The following GRIN2A variants were observed in gnomAD, a reference collection of about 807,000 sequenced individuals.
The protein encoded by GRIN2A is glutamate ionotropic receptor NMDA type subunit 2A, also known as glutamate receptor ionotropic, NMDA 2A.
GRIN2A carries 22 observed loss-of-function variants against 113.4 expected under a neutral mutation model. The ratio of observed to expected loss-of-function variants is 0.19; its 90% CI spans 0.14 to 0.28. The LOEUF (loss-of-function observed/expected upper bound fraction) is 0.28. Ranked by LOEUF, GRIN2A falls within the 10% of genes least tolerant of loss-of-function variation. The probability of loss-of-function intolerance (pLI) is 1.00; values close to 1 mark genes in which losing one functional copy is unlikely to be tolerated. For synonymous variants in GRIN2A, 827 were observed against 738.4 expected (o/e 1.12, Z -1.94); for missense variants, 1,502 against 1,887.0 (o/e 0.80, Z 3.78).
chr16:10,034,713 C>G (rs2046993919), intron 2 of GRIN2A, among the ~76,000 whole-genome samples: 1 of 151,988 alleles, frequency 6.6e-6, no homozygotes, highest in African/African-American at 2.4e-5. Flanking sequence ...ACTTACTGGT[C>G]CTTGGCTTTC....
chr16:10,055,047 C>CGAAAA (rs2047423421), intron 2 of GRIN2A, among the ~76,000 whole-genome samples: 1 of 10,400 alleles, frequency 9.6e-5, no homozygotes, highest in African/African-American at 4.5e-4. Flanking sequence ...GACTCTATCT[C>CGAAAA]AAAAAAAAAA....
intron 3 of GRIN2A, among the ~76,000 whole-genome samples, chr16:9,933,050 G>A (rs2044633189): frequency 6.6e-6 from 1 of 152,202 alleles, no homozygotes; most frequent in Non-Finnish European, 1.5e-5. Context: ...CAGTGACATG[G>A]TCTGTGCTTG....
In GRIN2A at chr16:9,764,395, C is replaced by G. The variant is rs1900774847; in HGVS notation, c.3149G>C (p.Arg1050Thr). Residue 1050 changes from arginine to threonine, a missense_variant, in exon 13 of 13, where the codon AGG (arginine) becomes ACG (threonine). By Grantham distance (71) the Arg-to-Thr change is moderately conservative (BLOSUM62 -1). Coordinates refer to ENST00000330684, the MANE Select transcript of GRIN2A (RefSeq NM_001134407.3). The stretch of plus-strand genomic sequence containing the variant: ...GTGGGCCATCTCTTCTGGAAGATAC[C>G]TAGGGCTCTTTAGGGAGTGGGTCCT... ...ENRTHSLKSP[R>T]YLPEEMAHSD... The G allele has an allele frequency of 6.2e-7, 1 of 1,614,092 alleles. No individual in the cohort carries two copies. The highest frequency in any genetic ancestry group is 1.7e-5 in the Admixed American group (1 of 60,022).
At chr16:9,976,780 C>G (rs2045781477) in intron 2 of GRIN2A, among the ~76,000 whole-genome samples, 1 of 152,214 alleles carries the variant, frequency 6.6e-6, no homozygotes, top group South Asian at 2.1e-4. Flanking sequence ...AGCCATTCAG[C>G]TGGCGTCACT....
chr16:10,048,651 C>A (rs2047300908), intron 2 of GRIN2A, among the ~76,000 whole-genome samples: 1 of 152,166 alleles, frequency 6.6e-6, no homozygotes, highest in Non-Finnish European at 1.5e-5. Flanking sequence ...ACTAACATAG[C>A]CCAGGTCTGT....
intron 3 of GRIN2A, among the ~76,000 whole-genome samples, chr16:9,920,841 C>T (rs1220694054): frequency 6.6e-6 from 1 of 152,178 alleles, no homozygotes; most frequent in Non-Finnish European, 1.5e-5. Flanking sequence ...CAGACAAGCC[C>T]ATTATAGACT....
rs572214198 is a variant in GRIN2A at position 10,055,006 on chromosome 16, C to T, written c.415-116455G>A. 6.5e-5 allele frequency among the ~76,000 whole-genome samples: 8 copies of T among 122,390 alleles called. No homozygotes were observed. The South Asian group carries it at 2.3e-3, about 35-fold the overall frequency. The allele number at this position is 122,390 out of a possible 152,430, so 80.3% of individuals were successfully genotyped here. On this transcript the variant is annotated intron_variant, in intron 2 of 12. Transcript: ENST00000330684. ...GAGGTTGCAGTGAGCTGAGATCACGCCATTGCACTCCAGCCCAGGCAACAG... is the reference window on the plus strand; with the variant it reads ...GAGGTTGCAGTGAGCTGAGATCACGTCATTGCACTCCAGCCCAGGCAACAG...
Position 9,763,121 on chromosome 16 carries a change from C to T in GRIN2A, c.*28G>A, listed in dbSNP as rs1596373770. ...AACATTGGCCATTACGTATATTTCCCTATAGATAAAACATTAATGGAAGAT... is the reference window on the plus strand; with the variant it reads ...AACATTGGCCATTACGTATATTTCCTTATAGATAAAACATTAATGGAAGAT... On this transcript the variant is annotated 3_prime_UTR_variant, in exon 13 of 13. Coordinates refer to ENST00000330684, the MANE Select transcript of GRIN2A (RefSeq NM_001134407.3). 1.2e-6 allele frequency: 2 copies of T among 1,606,874 alleles called. No homozygotes were observed. Among genetic ancestry groups the T allele is most frequent in the East Asian group, 2.2e-5 (1 of 44,836 alleles).
rs139445001 is a variant in GRIN2A at position 9,898,025 on chromosome 16, G to A, written c.1008-6925C>T. ...GACAGTACCTGGCACCTTGGGCAGC[G>A]TATTTAAAATCTACTGAGCCTCCAT... On this transcript the variant is annotated intron_variant, in intron 3 of 12. Coordinates refer to ENST00000330684, the MANE Select transcript of GRIN2A (RefSeq NM_001134407.3). Among the ~76,000 whole-genome samples, 136 of 138,244 alleles carry A rather than the reference G, an allele frequency of 9.8e-4. 1 individual carries two copies. The East Asian group carries it at 0.027, about 28-fold the overall frequency. 90.7% of individuals were successfully genotyped at this position (138,244 alleles called of 152,430 possible).
At chr16:9,957,778 T>C (rs2141692558) in intron 2 of GRIN2A, among the ~76,000 whole-genome samples, 1 of 152,274 alleles carries the variant, frequency 6.6e-6, no homozygotes, top group Non-Finnish European at 1.5e-5. Context: ...GGGCTTGGTT[T>C]CTCGCATTTC....
intron 2 of GRIN2A, chr16:10,111,640 G>A (rs1176258195): frequency 2.6e-6 from 4 of 1,525,826 alleles, no homozygotes; most frequent in South Asian, 1.1e-5. Context: ...TCTGATGGGA[G>A]GTATTGGTTT....
intron 11 of GRIN2A, among the ~76,000 whole-genome samples, chr16:9,790,241 A>G (rs965970351): frequency 1.8e-4 from 27 of 152,208 alleles, no homozygotes; most frequent in African/African-American, 6.0e-4. Context: ...TTTCCCAAAG[A>G]AACAGAACAA....
At position 9,763,655 on chromosome 16, in the gene GRIN2A, C is replaced by A. The variant is rs1431125566; in HGVS notation, c.3889G>T (p.Asp1297Tyr). Residue 1297 changes from aspartate (D) to tyrosine (Y), a missense_variant, in exon 13 of 13, where the codon GAC (aspartate) becomes TAC (tyrosine). Physicochemically the swap from Asp to Tyr is radical, Grantham distance 160. This residue lies in a region of GRIN2A where 832 missense variants were observed against 789.7 expected (regional missense o/e 1.05). Transcript: ENST00000330684. ...CTAAGGTCTAGCTCCCTAGGTTTGT[C>A]GACAATGTTATCGTAGGAATGCTGA... ...SRQHSYDNIV[D>Y]KPRELDLSRP... is the part of the protein sequence containing the mutation. 1 of 1,613,362 alleles carries A rather than the reference C, an allele frequency of 6.2e-7. No individual in the cohort carries two copies. Among genetic ancestry groups the A allele is most frequent in the Admixed American group, 1.7e-5 (1 of 60,006 alleles).
chr16:9,928,669 A>C (rs1445859131), intron 3 of GRIN2A, among the ~76,000 whole-genome samples: 1 of 151,612 alleles, frequency 6.6e-6, no homozygotes, highest in Admixed American at 6.6e-5. Context: ...ATCTCTCCAG[A>C]CTCAAAGCCC....
chr16:9,962,322 G>A (rs1177772788), intron 2 of GRIN2A, among the ~76,000 whole-genome samples: 1 of 152,048 alleles, frequency 6.6e-6, no homozygotes, highest in Admixed American at 6.5e-5. Context: ...AGAGTGAACA[G>A]GCAACCTACA....
chr16:10,111,528 A>G, intron 2 of GRIN2A: 1 of 746,162 alleles, frequency 1.3e-6, no homozygotes, highest in Non-Finnish European at 2.4e-6. Context: ...CTGATGAGGT[A>G]GACCTAACTT....
chr16:9,962,619 G>A (rs1420984533), intron 2 of GRIN2A, among the ~76,000 whole-genome samples: 1 of 152,070 alleles, frequency 6.6e-6, no homozygotes, highest in Non-Finnish European at 1.5e-5. Context: ...AACAACAGGT[G>A]CTGGAGAGGA....
chr16:9,943,530 A>T (rs1215731206), intron 2 of GRIN2A, among the ~76,000 whole-genome samples: 1 of 152,188 alleles, frequency 6.6e-6, no homozygotes, highest in Non-Finnish European at 1.5e-5. Flanking sequence ...GCATAATAGC[A>T]ACTTACATTC....
chr16:9,993,510 C>G (rs1445694199), intron 2 of GRIN2A, among the ~76,000 whole-genome samples: 1 of 152,178 alleles, frequency 6.6e-6, no homozygotes, highest in African/African-American at 2.4e-5. Flanking sequence ...AAGCTACGAT[C>G]ATGACACTGC....
Sources: allele counts gnomAD v4.1 joint callset (sites outside exome capture counted in the v4.1 genomes callset), GRCh38; gene constraint gnomAD v4.1.1; regional missense constraint gnomAD v4.1.1; transcripts MANE v1.5; gene names NCBI Gene and HGNC (gene_info 2026-07-23, HGNC 2026-07-21).